EPB41L4A: variants seen among roughly 807,000 people sequenced by gnomAD.
EPB41L4A encodes erythrocyte membrane protein band 4.1 like 4A.
In EPB41L4A, 100 loss-of-function variants were observed where a neutral mutation model predicts 108.6. That is an observed-to-expected ratio of 0.92 (90% CI 0.78 to 1.09). EPB41L4A has a LOEUF of 1.09. Ranked by LOEUF, EPB41L4A falls within the 50% of genes least tolerant of loss-of-function variation. The pLI, the probability that EPB41L4A is intolerant of heterozygous loss-of-function variation, is 0.00. For synonymous variants in EPB41L4A, 319 were observed against 289.0 expected (o/e 1.10, Z -1.05); for missense variants, 1,030 against 842.7 (o/e 1.22, Z -2.75).
chr5:112,383,087 A>G (rs574080865), intron 1 of EPB41L4A, among the ~76,000 whole-genome samples: 3 of 152,348 alleles, frequency 2.0e-5, no homozygotes, highest in African/African-American at 7.2e-5. Flanking sequence ...TCAGAAGTGC[A>G]TGTGAAGGGT....
chr5:112,338,946 A>G (rs1054371365), intron 1 of EPB41L4A, among the ~76,000 whole-genome samples: 2 of 152,108 alleles, frequency 1.3e-5, no homozygotes, highest in African/African-American at 2.4e-5. Flanking sequence ...TGCTGTGCTC[A>G]CACTTTATCT....
chr5:112,230,264 T>A (rs1167394287), intron 12 of EPB41L4A, among the ~76,000 whole-genome samples: 1 of 152,218 alleles, frequency 6.6e-6, no homozygotes, highest in African/African-American at 2.4e-5. Flanking sequence ...GATTGCTGGA[T>A]CAAATGGTAG....
chr5:112,158,250 T>C (rs1478788320), downstream of EPB41L4A, among the ~76,000 whole-genome samples: 2 of 152,210 alleles, frequency 1.3e-5, no homozygotes, highest in Non-Finnish European at 2.9e-5. Context: ...GAAGGTTCCA[T>C]ATTTGGGGTA....
intron 2 of EPB41L4A, among the ~76,000 whole-genome samples, chr5:112,299,832 G>C (rs1230128178): frequency 6.6e-6 from 1 of 152,096 alleles, no homozygotes; most frequent in South Asian, 2.1e-4. Flanking sequence ...TTACAAATTT[G>C]GGAACTCCCG....
intron 12 of EPB41L4A, among the ~76,000 whole-genome samples, chr5:112,149,747 G>T (rs568469475): frequency 6.6e-6 from 1 of 152,112 alleles, no homozygotes; most frequent in Non-Finnish European, 1.5e-5. Context: ...TTCTAAATGC[G>T]TGTCTGAGTT....
intron 12 of EPB41L4A, among the ~76,000 whole-genome samples, chr5:112,224,405 A>G (rs1012223369): frequency 2.0e-5 from 3 of 151,936 alleles, no homozygotes; most frequent in Admixed American, 6.6e-5. Context: ...TAAAAAAAAA[A>G]CTTTCTAAAA....
At chr5:112,159,549 A>G (rs373120823), downstream of EPB41L4A, among the ~76,000 whole-genome samples, 303 of 152,328 alleles carry the variant, frequency 2.0e-3, 7 homozygotes, top group South Asian at 0.048. Flanking sequence ...CAAGACCCTA[A>G]GTGCCTTGCT....
chr5:112,374,724 A>G (rs952007997), intron 1 of EPB41L4A, among the ~76,000 whole-genome samples: 3 of 152,178 alleles, frequency 2.0e-5, no homozygotes, highest in Non-Finnish European at 4.4e-5. Flanking sequence ...CAAATTTTAC[A>G]TTCTATTCTA....
At chr5:112,365,447 A>G (rs922731848) in intron 1 of EPB41L4A, among the ~76,000 whole-genome samples, 2 of 151,800 alleles carry the variant, frequency 1.3e-5, no homozygotes, top group African/African-American at 4.9e-5. Flanking sequence ...TTCTGATTTA[A>G]TATCAACTCC....
intron 12 of EPB41L4A, among the ~76,000 whole-genome samples, chr5:112,150,025 G>A (rs1276752995): frequency 6.6e-6 from 1 of 152,202 alleles, no homozygotes; most frequent in Non-Finnish European, 1.5e-5. Context: ...CTACAGAAGA[G>A]AAACAGTAGG....
At chr5:112,290,179 C>A (rs1292711466) in intron 2 of EPB41L4A, among the ~76,000 whole-genome samples, 1 of 151,448 alleles carries the variant, frequency 6.6e-6, no homozygotes, top group East Asian at 1.9e-4. Context: ...AGACATCATA[C>A]AAACTTTTCT....
intron 1 of EPB41L4A, among the ~76,000 whole-genome samples, chr5:112,400,638 G>A (rs1761687056): frequency 6.6e-6 from 1 of 152,064 alleles, no homozygotes; most frequent in Admixed American, 6.6e-5. Context: ...AGCCATGAGG[G>A]ATCCAACCCC....
At chr5:112,329,639 C>T (rs1756419818) in intron 1 of EPB41L4A, among the ~76,000 whole-genome samples, 1 of 152,164 alleles carries the variant, frequency 6.6e-6, no homozygotes, top group Admixed American at 6.5e-5. Flanking sequence ...ACTACTGCAC[C>T]ATACACCCTT....
intron 17 of EPB41L4A, among the ~76,000 whole-genome samples, chr5:112,185,964 A>G (rs1001534270): frequency 6.6e-6 from 1 of 152,106 alleles, no homozygotes; most frequent in Non-Finnish European, 1.5e-5. Context: ...GGACACCCCC[A>G]GGACTGAGGG....
chr5:112,194,117 G>C lies in EPB41L4A; in HGVS notation c.1502+451C>G, dbSNP rs1761842139. ...TGGAATGTCAGGCACACACAGATGA[G>C]TAAATGCACATATTATTAGCATATA... On this transcript the variant is annotated intron_variant, in intron 17 of 22. Coordinates refer to ENST00000261486, the MANE Select transcript of EPB41L4A (RefSeq NM_022140.5). 2.6e-5 allele frequency among the ~76,000 whole-genome samples: 4 copies of C among 151,466 alleles called. No individual in the cohort carries two copies. In the South Asian group the frequency reaches 8.3e-4, roughly 31 times the overall value.
intron 1 of EPB41L4A, among the ~76,000 whole-genome samples, chr5:112,398,002 T>C (rs1272735848): frequency 6.6e-6 from 1 of 152,222 alleles, no homozygotes; most frequent in African/African-American, 2.4e-5. Flanking sequence ...CTCCCTTCTA[T>C]GGTACTCAGG....
At chr5:112,239,575 T>G (rs1293965457) in intron 11 of EPB41L4A, 85 bp downstream of exon 11, 1 of 790,342 alleles carries the variant, frequency 1.3e-6, no homozygotes, top group Non-Finnish European at 1.9e-6. Flanking sequence ...AAAAAATAAA[T>G]AAATAACTTC....
chr5:112,344,704 A>G (rs10052915), intron 1 of EPB41L4A, among the ~76,000 whole-genome samples: 137,455 of 152,256 alleles, frequency 0.9, 62,108 homozygotes, highest in South Asian at 0.96. Context: ...CCGCAGCTCA[A>G]CTCCTGTCCA....
chr5:112,217,430 A>G (rs1289908239), intron 12 of EPB41L4A, among the ~76,000 whole-genome samples: 44 of 152,190 alleles, frequency 2.9e-4, no homozygotes, highest in Non-Finnish European at 7.3e-5. Flanking sequence ...TGAATACAGT[A>G]GCTCACTCCT....
Sources: gnomAD v4.1 joint callset for allele counts (sites outside exome capture counted in the v4.1 genomes callset) on GRCh38, gnomAD v4.1.1 for gene constraint, MANE v1.5 for transcripts, NCBI Gene and HGNC (gene_info 2026-07-23, HGNC 2026-07-21) for gene names.